The following ZNF229 variants were observed in gnomAD, a reference collection of about 807,000 sequenced individuals.
The protein encoded by ZNF229 is zinc finger protein 229.
A neutral mutation model predicts 11.8 loss-of-function variants in ZNF229; 10 were observed. That is an observed-to-expected ratio of 0.85 (90% CI 0.52 to 1.44). The LOEUF (loss-of-function observed/expected upper bound fraction) is 1.44, where lower values mean the gene tolerates loss of function less well. ZNF229 is among the 40% of genes most tolerant of loss of function. The probability of loss-of-function intolerance (pLI) is 0.00; values close to 1 mark genes in which losing one functional copy is unlikely to be tolerated. For missense variants in ZNF229, 1,045 were observed against 1,015.1 expected (o/e 1.03, Z -0.40); for synonymous variants, 368 against 374.8 (o/e 0.98, Z 0.21).
chr19:44,430,657 A>AT, intron 5 of ZNF229, 115 bp from the exon 6 acceptor site: 1 of 972,658 alleles, frequency 1.0e-6, no homozygotes, highest in Non-Finnish European at 1.5e-6. Flanking sequence ...TTTATGTATC[A>AT]TAACTATTAG....
At chr19:44,438,464 A>G (rs1971851534) in intron 4 of ZNF229, among the ~76,000 whole-genome samples, 1 of 152,202 alleles carries the variant, frequency 6.6e-6, no homozygotes, top group Admixed American at 6.5e-5. Context: ...TAATATATTA[A>G]CAGTTTACAA....
chr19:44,430,202 C>T lies in ZNF229; in HGVS notation c.579G>A (p.Val193=), dbSNP rs1341744331. 3.1e-6 allele frequency: 5 copies of T among 1,614,080 alleles called. No homozygotes were observed. The highest frequency in any genetic ancestry group is 4.2e-6 in the Non-Finnish European group (5 of 1,180,034). Residue 193 remains valine (V), a synonymous_variant, in exon 6 of 6, where the codon GTG becomes GTA. Coordinates refer to ENST00000614049, the MANE Select transcript of ZNF229 (RefSeq NM_014518.4). ...PIQGSWAKAF[V]NQLGDVQERC... is the part of the protein sequence containing the mutation. ...TTTCTTGAACATCCCCTAACTGGTT[C>T]ACAAACGCTTTTGCCCAAGATCCTT...
intron 2 of ZNF229, 69 bp downstream of exon 2, chr19:44,447,444 C>A (rs2123389143): frequency 6.6e-6 from 1 of 152,240 alleles, no homozygotes; most frequent in Non-Finnish European, 1.5e-5. Context: ...TTTGTGATAT[C>A]AATGGGATGA....
At chr19:44,441,616 A>G (rs149196506) in intron 4 of ZNF229, among the ~76,000 whole-genome samples, 213 of 152,346 alleles carry the variant, frequency 1.4e-3, no homozygotes, top group African/African-American at 4.9e-3. Flanking sequence ...TGAAACTACA[A>G]TTCACTAATT....
chr19:44,429,013 G>C lies in ZNF229; in HGVS notation c.1768C>G (p.His590Asp). 1 of 1,613,694 alleles carries C rather than the reference G, an allele frequency of 6.2e-7. No individual in the cohort carries two copies. The highest frequency in any genetic ancestry group is 8.5e-7 in the Non-Finnish European group (1 of 1,179,904). Reference protein sequence around the residue: ...GFRRNSDLHSHQRVHTGERPY... With the variant: ...GFRRNSDLHSDQRVHTGERPY... Reference sequence around the variant, plus strand: ...CTCTCTCCCGTGTGGACCCTCTGGTGGCTGTGAAGGTCTGAATTCCGCCGG... The same window carrying C: ...CTCTCTCCCGTGTGGACCCTCTGGTCGCTGTGAAGGTCTGAATTCCGCCGG... Residue 590 changes from histidine (H) to aspartate (D), a missense_variant, in exon 6 of 6, where the codon CAC (histidine) becomes GAC (aspartate). Coordinates refer to ENST00000614049, the MANE Select transcript of ZNF229 (RefSeq NM_014518.4).
chr19:44,443,703 AT>A (rs1375937848), intron 2 of ZNF229, among the ~76,000 whole-genome samples: 1 of 152,260 alleles, frequency 6.6e-6, no homozygotes, highest in Non-Finnish European at 1.5e-5. Flanking sequence ...ACTCTGAAAT[AT>A]TTGCACAAAC....
At chr19:44,440,727 CTTT>C (rs5828196) in intron 4 of ZNF229, among the ~76,000 whole-genome samples, 6 of 145,420 alleles carry the variant, frequency 4.1e-5, no homozygotes, top group Non-Finnish European at 3.0e-5. Flanking sequence ...AACCAACATT[CTTT>C]TTTTTTTTTT....
chr19:44,437,759 C>T (rs1469735043), intron 4 of ZNF229, among the ~76,000 whole-genome samples: 1 of 152,108 alleles, frequency 6.6e-6, no homozygotes, highest in East Asian at 1.9e-4. Flanking sequence ...AAATGTGGAA[C>T]ATATACACCA....
In ZNF229 at chr19:44,430,042, T is replaced by C; in HGVS notation, c.739A>G (p.Lys247Glu). 1 of 1,614,186 alleles carries C rather than the reference T, an allele frequency of 6.2e-7. No homozygotes were observed. The highest frequency in any genetic ancestry group is 8.5e-7 in the Non-Finnish European group (1 of 1,180,034). ...DKPCGCNKCR[K>E]DCIKNSVLHR... is the part of the protein sequence containing the mutation. The stretch of plus-strand genomic sequence containing the variant: ...AGTACAGAGTTTTTAATGCAGTCTT[T>C]TCTGCATTTATTGCAACCACACGGC... Residue 247 changes from lysine (K) to glutamate (E), a missense_variant, in exon 6 of 6, where the codon AAA (lysine) becomes GAA (glutamate). By Grantham distance (56) the Lys-to-Glu change is moderately conservative (BLOSUM62 1). Transcript: ENST00000614049.
chr19:44,431,408 C>A (rs1971720060), intron 5 of ZNF229, among the ~76,000 whole-genome samples: 1 of 152,022 alleles, frequency 6.6e-6, no homozygotes, highest in South Asian at 2.1e-4. Context: ...CTGTTTATAA[C>A]CAGGGACTAG....
chr19:44,430,390 A>C lies in ZNF229; in HGVS notation c.391T>G (p.Phe131Val), dbSNP rs200420216. Reference protein sequence around the residue: ...DCRVNLQGKDFQFSEDAAPHQ... With the variant: ...DCRVNLQGKDVQFSEDAAPHQ... ...GGAGCAGCATCTTCTGAGAACTGGA[A>C]GTCTTTTCCTTGCAGATTTACTCTA... The change falls in exon 6 of 6, where the codon TTC becomes GTC. Residue 131 changes from phenylalanine to valine, a missense_variant. Physicochemically the swap from Phe to Val is conservative, Grantham distance 50 (BLOSUM62 -1). Coordinates refer to ENST00000614049, the MANE Select transcript of ZNF229 (RefSeq NM_014518.4). 6.4e-5 allele frequency: 103 copies of C among 1,614,154 alleles called. 1 individual carries two copies. The African/African-American group carries it at 1.3e-3, about 20-fold the overall frequency.
chr19:44,432,175 C>A (rs1162450406), intron 5 of ZNF229, 47 bp downstream of exon 5: 1 of 1,558,032 alleles, frequency 6.4e-7, no homozygotes, highest in Admixed American at 2.2e-5. Flanking sequence ...CCAAAAATAT[C>A]TTCTCTCCAG....
At chr19:44,446,059 T>G (rs1971998518) in intron 2 of ZNF229, among the ~76,000 whole-genome samples, 2 of 152,206 alleles carry the variant, frequency 1.3e-5, no homozygotes, top group South Asian at 4.1e-4. Context: ...CTGTGTTCCA[T>G]GTGCTTAGGA....
At chr19:44,447,810 C>T (rs201694376) in intron 1 of ZNF229, among the ~76,000 whole-genome samples, 1,925 of 152,216 alleles carry the variant, frequency 0.013, 34 homozygotes, top group African/African-American at 0.044. Context: ...CCAAAGAAAC[C>T]GTCTACAAGC....
chr19:44,431,998 CCT>C (rs1971731059), intron 5 of ZNF229: 1 of 855,820 alleles, frequency 1.2e-6, no homozygotes, highest in African/African-American at 1.8e-5. Context: ...CTATCTGCAC[CCT>C]GACAGAGGGT....
At position 44,428,950 on chromosome 19, in the gene ZNF229, A is replaced by G. The variant is rs759560744; in HGVS notation, c.1831T>C (p.Tyr611His). 3.1e-6 allele frequency: 5 copies of G among 1,610,790 alleles called. No homozygotes were observed. The highest frequency in any genetic ancestry group is 4.2e-6 in the Non-Finnish European group (5 of 1,178,920). The change falls in exon 6 of 6, where the codon TAC becomes CAC. Residue 611 changes from tyrosine (Y) to histidine (H), a missense_variant. Transcript: ENST00000614049. Reference sequence around the variant, plus strand: ...TGATGGATAAGGAGGTCGGAGCTGTAGATGAAACCCTTCCCACACACGTCA... The same window carrying G: ...TGATGGATAAGGAGGTCGGAGCTGTGGATGAAACCCTTCCCACACACGTCA... Reference protein sequence around the residue: ...VCDVCGKGFIYSSDLLIHQRV... With the variant: ...VCDVCGKGFIHSSDLLIHQRV...
In ZNF229 at chr19:44,448,426, T is replaced by TG. The variant is rs1223675298; in HGVS notation, c.-384dup. On this transcript the variant is annotated 5_prime_UTR_variant, in exon 1 of 6. Coordinates refer to ENST00000614049, the MANE Select transcript of ZNF229 (RefSeq NM_014518.4). ...GCCTGACAGTACAACCGCATGGAGA[T>TG]GCACGTCTCTAAGACGCCTCACCAC... 1 of 152,224 alleles carries TG rather than the reference T, an allele frequency of 6.6e-6. No homozygotes were observed. Among genetic ancestry groups the TG allele is most frequent in the Non-Finnish European group, 1.5e-5 (1 of 68,062 alleles). The allele number at this position is 152,224 out of a possible 1,614,324, so 9.4% of individuals were successfully genotyped here. A position where few individuals can be genotyped will look rare whatever the true frequency, so the allele number is the denominator to read the frequency against.
chr19:44,430,077 T>C lies in ZNF229; in HGVS notation c.704A>G (p.Glu235Gly), dbSNP rs61743477. Residue 235 changes from glutamate to glycine, a missense_variant, in exon 6 of 6, where the codon GAA becomes GGA. Physicochemically the swap from Glu to Gly is moderately conservative, Grantham distance 98. Transcript: ENST00000614049. The stretch of plus-strand genomic sequence containing the variant: ...ATTGCAACCACACGGCTTGTCTATT[T>C]CAGGGAATCTGTGATCAACATGACA... ...ISCHVDHRFPEIDKPCGCNKC... is the reference protein window; with the variant it reads ...ISCHVDHRFPGIDKPCGCNKC... 2 of 1,614,204 alleles carry C rather than the reference T, an allele frequency of 1.2e-6. No homozygotes were observed.
At chr19:44,435,599 C>T (rs1345337374) in intron 4 of ZNF229, among the ~76,000 whole-genome samples, 2 of 151,894 alleles carry the variant, frequency 1.3e-5, no homozygotes, top group Non-Finnish European at 2.9e-5. Flanking sequence ...TACCTCCTGA[C>T]TAGCACATAC....
Sources: allele counts gnomAD v4.1 joint callset (sites outside exome capture counted in the v4.1 genomes callset), GRCh38; gene constraint gnomAD v4.1.1; transcripts MANE v1.5; gene names NCBI Gene and HGNC (gene_info 2026-07-23, HGNC 2026-07-21).